SGCZ: variants seen among roughly 807,000 people sequenced by gnomAD.
SGCZ encodes the protein sarcoglycan zeta, also known as zeta-sarcoglycan.
SGCZ carries 40 observed loss-of-function variants against 41.3 expected under a neutral mutation model. The ratio of observed to expected loss-of-function variants is 0.97; its 90% CI spans 0.75 to 1.26. The LOEUF (loss-of-function observed/expected upper bound fraction) is 1.26, where lower values mean the gene tolerates loss of function less well. Among genes scored for constraint, SGCZ ranks in the 50% most tolerant of loss-of-function variants. SGCZ has a pLI of 0.00. For synonymous variants in SGCZ, 206 were observed against 137.5 expected, an observed-to-expected ratio of 1.50 and a Z score of -3.49; for missense variants, 552 against 369.8, an observed-to-expected ratio of 1.49 and a Z score of -4.04.
intron 4 of SGCZ, among the ~76,000 whole-genome samples, chr8:14,208,533 C>T (rs573443904): frequency 6.6e-6 from 1 of 152,176 alleles, no homozygotes; most frequent in Non-Finnish European, 1.5e-5. Context: ...CATGAAAATA[C>T]ACAAAGATAT....
chr8:14,514,177 A>T (rs2117082743), intron 2 of SGCZ, among the ~76,000 whole-genome samples: 1 of 152,232 alleles, frequency 6.6e-6, no homozygotes, highest in South Asian at 2.1e-4. Flanking sequence ...AACAGAAAAC[A>T]TTATAATGAT....
intron 2 of SGCZ, among the ~76,000 whole-genome samples, chr8:14,376,923 A>C (rs868062451): frequency 1.3e-5 from 2 of 152,184 alleles, no homozygotes; most frequent in Non-Finnish European, 2.9e-5. Context: ...TAAGAAATAC[A>C]TATTTAGTCT....
intron 1 of SGCZ, among the ~76,000 whole-genome samples, chr8:15,123,321 G>A (rs537458363): frequency 1.4e-4 from 22 of 151,910 alleles, no homozygotes; most frequent in Admixed American, 9.8e-4. Flanking sequence ...TTTTATTTTC[G>A]CTTTTCATAT....
intron 1 of SGCZ, among the ~76,000 whole-genome samples, chr8:15,002,050 A>G (rs946259030): frequency 3.3e-5 from 5 of 152,198 alleles, no homozygotes; most frequent in Non-Finnish European, 7.3e-5. Flanking sequence ...ATCCTTCTCA[A>G]AAATTGTTGC....
At chr8:14,436,479 T>C (rs902543337) in intron 2 of SGCZ, among the ~76,000 whole-genome samples, 2 of 152,218 alleles carry the variant, frequency 1.3e-5, no homozygotes, top group Non-Finnish European at 2.9e-5. Context: ...TAAGACACTT[T>C]TAAGGGATTT....
intron 1 of SGCZ, among the ~76,000 whole-genome samples, chr8:14,734,262 G>A (rs983332690): frequency 2.6e-4 from 39 of 152,226 alleles, no homozygotes; most frequent in African/African-American, 8.2e-4. Context: ...TGTAAATTTA[G>A]CATAAGATGG....
chr8:15,141,522 G>T (rs888156176), intron 1 of SGCZ, among the ~76,000 whole-genome samples: 4 of 152,210 alleles, frequency 2.6e-5, no homozygotes, highest in South Asian at 2.1e-4. Context: ...TACTCTCAAT[G>T]ATGATAAATG....
intron 1 of SGCZ, among the ~76,000 whole-genome samples, chr8:15,171,843 G>A (rs1008960027): frequency 2.0e-5 from 3 of 152,080 alleles, no homozygotes; most frequent in Admixed American, 1.3e-4. Flanking sequence ...CTAAAATCAT[G>A]AGCAACTGCA....
chr8:14,728,767 C>T (rs1222940710), intron 1 of SGCZ, among the ~76,000 whole-genome samples: 1 of 152,120 alleles, frequency 6.6e-6, no homozygotes, highest in Non-Finnish European at 1.5e-5. Context: ...ACAACAGGCT[C>T]TAAGAAATTA....
At chr8:14,730,523 T>G (rs867645052) in intron 1 of SGCZ, among the ~76,000 whole-genome samples, 4 of 151,972 alleles carry the variant, frequency 2.6e-5, no homozygotes, top group African/African-American at 9.7e-5. Flanking sequence ...TACGTGACAA[T>G]GAACTCAGAA....
At chr8:14,592,370 T>C (rs556941043) in intron 1 of SGCZ, among the ~76,000 whole-genome samples, 2 of 152,284 alleles carry the variant, frequency 1.3e-5, no homozygotes, top group Admixed American at 6.5e-5. Flanking sequence ...CTTATTGTCA[T>C]ATAGTCCAAT....
At chr8:14,343,941 T>C (rs1251953348) in intron 2 of SGCZ, among the ~76,000 whole-genome samples, 1 of 152,152 alleles carries the variant, frequency 6.6e-6, no homozygotes, top group African/African-American at 2.4e-5. Context: ...AGGATTCACA[T>C]ATTGGTTCAA....
At chr8:14,596,246 C>G (rs1343420407) in intron 1 of SGCZ, among the ~76,000 whole-genome samples, 1 of 152,154 alleles carries the variant, frequency 6.6e-6, no homozygotes, top group African/African-American at 2.4e-5. Context: ...AAAGCTTCTC[C>G]AATTAGGTTA....
chr8:14,305,798 T>A (rs1236106787), intron 3 of SGCZ, among the ~76,000 whole-genome samples: 4 of 152,180 alleles, frequency 2.6e-5, no homozygotes, highest in Non-Finnish European at 5.9e-5. Flanking sequence ...ACCTTGTAAC[T>A]TGTATTGGTT....
At chr8:14,598,243 T>C (rs1473731144) in intron 1 of SGCZ, among the ~76,000 whole-genome samples, 2 of 151,310 alleles carry the variant, frequency 1.3e-5, no homozygotes, top group African/African-American at 4.8e-5. Flanking sequence ...TTATTAACAA[T>C]GTACATGGCC....
chr8:14,328,378 C>G (rs1182852598), intron 2 of SGCZ, among the ~76,000 whole-genome samples: 1 of 151,884 alleles, frequency 6.6e-6, no homozygotes, highest in Non-Finnish European at 1.5e-5. Context: ...TGTACTACAC[C>G]TAGACCTTGT....
intron 2 of SGCZ, among the ~76,000 whole-genome samples, chr8:14,490,668 T>C (rs1801816961): frequency 6.6e-6 from 1 of 152,194 alleles, no homozygotes; most frequent in Non-Finnish European, 1.5e-5. Context: ...CAAGTCAAAT[T>C]GTGTTCTTGA....
intron 3 of SGCZ, among the ~76,000 whole-genome samples, chr8:14,316,013 GAGA>G (rs1240283652): frequency 4.6e-5 from 7 of 151,822 alleles, no homozygotes; most frequent in African/African-American, 1.7e-4. Flanking sequence ...TAGAATATTA[GAGA>G]ACAATTTTCA....
chr8:15,175,292 C>A (rs1585641131), intron 1 of SGCZ, among the ~76,000 whole-genome samples: 2 of 151,768 alleles, frequency 1.3e-5, no homozygotes, highest in African/African-American at 2.4e-5. Context: ...AAAAGCCCAT[C>A]AATGACAGAC....
Sources: allele counts gnomAD v4.1 joint callset (sites outside exome capture counted in the v4.1 genomes callset), GRCh38; gene constraint gnomAD v4.1.1; transcripts MANE v1.5; gene names NCBI Gene and HGNC (gene_info 2026-07-23, HGNC 2026-07-21).